Variants in SIL1 observed in about 807,000 individuals in gnomAD.
SIL1 encodes the protein SIL1 nucleotide exchange factor.
In SIL1, 40 loss-of-function variants were observed where a neutral mutation model predicts 49.1. The ratio of observed to expected loss-of-function variants is 0.81; its 90% CI spans 0.63 to 1.06. The LOEUF (loss-of-function observed/expected upper bound fraction) is 1.06. Ranked by LOEUF, SIL1 falls within the 50% of genes least tolerant of loss-of-function variation. The probability of loss-of-function intolerance (pLI) is 0.00; values close to 1 mark genes in which losing one functional copy is unlikely to be tolerated. For missense variants in SIL1, 500 were observed against 572.6 expected (o/e 0.87, Z 1.29); for synonymous variants, 253 against 250.8 (o/e 1.01, Z -0.08).
At chr5:139,003,283 C>T (rs1768030389) in intron 7 of SIL1, among the ~76,000 whole-genome samples, 1 of 152,118 alleles carries the variant, frequency 6.6e-6, no homozygotes, top group Non-Finnish European at 1.5e-5. Flanking sequence ...CAACAGGTAG[C>T]AAGGGGCAGG....
At chr5:138,999,007 C>A (rs1767932555) in intron 7 of SIL1, among the ~76,000 whole-genome samples, 1 of 151,960 alleles carries the variant, frequency 6.6e-6, no homozygotes, top group Admixed American at 6.6e-5. Flanking sequence ...CAGGTGCCCG[C>A]CACCACGCCC....
chr5:138,969,989 C>T, intron 7 of SIL1, among the ~76,000 whole-genome samples: 1 of 152,326 alleles, frequency 6.6e-6, no homozygotes, highest in South Asian at 2.1e-4. Flanking sequence ...TAATCACACC[C>T]ATGGCTGCAA....
intron 7 of SIL1, among the ~76,000 whole-genome samples, chr5:139,000,898 T>C (rs1016894750): frequency 1.3e-5 from 2 of 151,706 alleles, no homozygotes; most frequent in Non-Finnish European, 2.9e-5. Context: ...ACCCAGATTA[T>C]ATATATAATA....
chr5:138,995,059 C>T (rs1208083678), intron 7 of SIL1, among the ~76,000 whole-genome samples: 2 of 152,166 alleles, frequency 1.3e-5, no homozygotes, highest in African/African-American at 4.8e-5. Flanking sequence ...TTTACAGCTG[C>T]ATATGTACCA....
intron 1 of SIL1, chr5:139,137,404 C>G: frequency 1.4e-6 from 1 of 701,292 alleles, no homozygotes; most frequent in Non-Finnish European, 2.6e-6. Flanking sequence ...CATGCTCTTT[C>G]CATAGCCGTG....
At chr5:139,143,338 C>T (rs1285746093) in intron 1 of SIL1, among the ~76,000 whole-genome samples, 3,956 of 83,980 alleles carry the variant, frequency 0.047, 109 homozygotes, top group Middle Eastern at 0.13. Context: ...CACACACACA[C>T]ACACACATAT....
intron 1 of SIL1, among the ~76,000 whole-genome samples, chr5:139,145,614 G>A (rs1383943678): frequency 1.3e-5 from 1 of 76,216 alleles, no homozygotes; most frequent in African/African-American, 3.6e-5. Context: ...TAAAATGTGG[G>A]TGTGGGTGTG....
At chr5:139,062,464 G>C (rs1222386503) in intron 3 of SIL1, among the ~76,000 whole-genome samples, 1 of 152,074 alleles carries the variant, frequency 6.6e-6, no homozygotes, top group Non-Finnish European at 1.5e-5. Context: ...CTGCATGAAA[G>C]CCGCTCAGAA....
chr5:139,101,733 T>C lies in SIL1; in HGVS notation c.244+19302A>G, dbSNP rs1006453807. 2.6e-5 allele frequency among the ~76,000 whole-genome samples: 4 copies of C among 152,214 alleles called. No homozygotes were observed. The East Asian group carries it at 5.8e-4, about 22-fold the overall frequency. ...TGATTCTGGGTTAGACACAGGTAGG[T>C]AGGCATTCAATAACTGCTTGCTATC... is the stretch of plus-strand genomic sequence containing the variant. On this transcript the variant is annotated intron_variant, in intron 3 of 9. Transcript: ENST00000394817.
chr5:139,160,143 TCACACA>T (rs57028301), intron 1 of SIL1, among the ~76,000 whole-genome samples: 2,739 of 137,846 alleles, frequency 0.02, 37 homozygotes, highest in African/African-American at 0.037. Flanking sequence ...ATTTCCACAA[TCACACA>T]CACACACACA....
chr5:139,106,014 C>A (rs1161727565), intron 3 of SIL1, among the ~76,000 whole-genome samples: 2 of 152,236 alleles, frequency 1.3e-5, no homozygotes, highest in African/African-American at 4.8e-5. Flanking sequence ...GCATAAGTGG[C>A]TGTGTAGGGG....
chr5:139,014,321 C>G (rs776055735), intron 7 of SIL1: 1 of 150,086 alleles, frequency 6.7e-6, no homozygotes. Context: ...GAGCCAAGAT[C>G]GCGTCTTTGC....
chr5:139,180,466 G>A (rs922632194), intron 1 of SIL1, among the ~76,000 whole-genome samples: 2 of 151,108 alleles, frequency 1.3e-5, no homozygotes, highest in Non-Finnish European at 2.9e-5. Context: ...GCCTTTGTGG[G>A]TCATCTATTA....
chr5:139,138,620 C>G (rs1029018373), intron 1 of SIL1, among the ~76,000 whole-genome samples: 1 of 152,204 alleles, frequency 6.6e-6, no homozygotes, highest in African/African-American at 2.4e-5. Context: ...TTAACCTCTA[C>G]AAGTTTCAAC....
chr5:139,125,668 G>C (rs1750737657), intron 2 of SIL1, among the ~76,000 whole-genome samples: 1 of 152,120 alleles, frequency 6.6e-6, no homozygotes, highest in Admixed American at 6.6e-5. Context: ...CCTTAAGAGG[G>C]AGGTACCAAC....
intron 1 of SIL1, among the ~76,000 whole-genome samples, chr5:139,150,501 G>A (rs1275902103): frequency 1.3e-5 from 2 of 151,918 alleles, no homozygotes; most frequent in African/African-American, 2.4e-5. Flanking sequence ...AATTATTATA[G>A]CCACTCCCCA....
chr5:139,073,898 CT>C (rs1769887550), intron 3 of SIL1, among the ~76,000 whole-genome samples: 1 of 150,356 alleles, frequency 6.7e-6, no homozygotes, highest in South Asian at 2.1e-4. Context: ...AAAACTCCAT[CT>C]CAAAAAAAAA....
At chr5:139,143,366 TG>T (rs1751131208) in intron 1 of SIL1, among the ~76,000 whole-genome samples, 1 of 145,828 alleles carries the variant, frequency 6.9e-6, no homozygotes, top group African/African-American at 2.6e-5. Context: ...TATATATATA[TG>T]GTTTTTTGTT....
chr5:138,999,241 T>C (rs1311391753), intron 7 of SIL1, among the ~76,000 whole-genome samples: 4 of 152,224 alleles, frequency 2.6e-5, no homozygotes, highest in Admixed American at 2.0e-4. Context: ...ATCAGTGTTT[T>C]ATAGTTTTCC....
Sources: gnomAD v4.1 joint callset for allele counts (sites outside exome capture counted in the v4.1 genomes callset) on GRCh38, gnomAD v4.1.1 for gene constraint, MANE v1.5 for transcripts, NCBI Gene and HGNC (gene_info 2026-07-23, HGNC 2026-07-21) for gene names.